STPG4: variants seen among roughly 807,000 people sequenced by gnomAD.
STPG4 encodes the protein protein STPG4.
Under a neutral mutation model 31.5 loss-of-function variants are expected in STPG4, and 41 were observed. That is an observed-to-expected ratio of 1.30 (90% confidence interval 1.01 to 1.69). The LOEUF (loss-of-function observed/expected upper bound fraction) is 1.69. Among genes scored for constraint, STPG4 ranks in the 40% most tolerant of loss-of-function variants. STPG4 has a pLI of 0.00. For missense variants in STPG4, 375 were observed against 293.4 expected, an observed-to-expected ratio of 1.28 and a Z score of -2.03; for synonymous variants, 141 against 103.0, an observed-to-expected ratio of 1.37 and a Z score of -2.24.
chr2:47,089,892 G>A (rs1685534339), intron 6 of STPG4, among the ~76,000 whole-genome samples: 1 of 152,094 alleles, frequency 6.6e-6, no homozygotes, highest in Non-Finnish European at 1.5e-5. Flanking sequence ...TGCTTCCTTG[G>A]GCTCCCAGAA....
At chr2:47,108,212 G>T (rs1295235347) in intron 5 of STPG4, among the ~76,000 whole-genome samples, 2 of 151,448 alleles carry the variant, frequency 1.3e-5, no homozygotes, top group Admixed American at 1.3e-4. Flanking sequence ...CTACCAATCA[G>T]CAGGATGTGG....
In STPG4 at chr2:47,147,906, A is replaced by C. The variant is rs11125124; in HGVS notation, c.399+3352T>G. Among the ~76,000 whole-genome samples the C allele has an allele frequency of 6.8e-3, 1,035 of 152,204 alleles. 42 individuals carry two copies. The East Asian group carries it at 0.11, about 17-fold the overall frequency. ...CCTTTGAAAAGGGCCAAATATAGAT[A>C]AGTATATGCATGCACACACACACAC... On this transcript the variant is annotated intron_variant, in intron 3 of 6. Coordinates refer to ENST00000445927, the MANE Select transcript of STPG4 (RefSeq NM_001163561.2).
chr2:47,107,989 G>T (rs1249280234), intron 5 of STPG4, among the ~76,000 whole-genome samples: 1 of 151,574 alleles, frequency 6.6e-6, no homozygotes, highest in Non-Finnish European at 1.5e-5. Context: ...CTCAAGGTTT[G>T]TAAATACACC....
chr2:47,089,066 T>A lies in STPG4; in HGVS notation c.624+1204A>T, dbSNP rs114070839. 3.5e-3 allele frequency among the ~76,000 whole-genome samples: 536 copies of A among 152,258 alleles called. 3 individuals are homozygous for A. The highest frequency in any genetic ancestry group is 0.012 in the African/African-American group (519 of 41,554). The stretch of plus-strand genomic sequence containing the variant: ...CTTCAGCTTCCATGAAAATTTTCTA[T>A]AAGGGAGAGACTCCACCAATCAGTG... On this transcript the variant is annotated intron_variant, in intron 6 of 6. Coordinates refer to ENST00000445927, the MANE Select transcript of STPG4 (RefSeq NM_001163561.2).
chr2:47,143,483 TG>T (rs1686757852), intron 3 of STPG4, among the ~76,000 whole-genome samples: 1 of 151,952 alleles, frequency 6.6e-6, no homozygotes, highest in South Asian at 2.1e-4. Flanking sequence ...TCATGCCCTT[TG>T]CTCATTTTTT....
intron 6 of STPG4, among the ~76,000 whole-genome samples, chr2:47,088,057 T>A (rs1038109804): frequency 2.0e-5 from 3 of 151,668 alleles, no homozygotes; most frequent in South Asian, 2.1e-4. Context: ...CCAGCCGGGG[T>A]TTTTTGTTTT....
Position 47,151,381 on chromosome 2 carries a change from G to T in STPG4, c.276C>A (p.Val92=), listed in dbSNP as rs200651437. 3.1e-6 allele frequency: 5 copies of T among 1,614,180 alleles called. No homozygotes were observed. In the East Asian group the frequency reaches 6.7e-5, roughly 22 times the overall value. ...GCATATACTGCGGAAGATCATTTAG[G>T]ACTGGATTGTTTCTTTGCACAAGAG... ...KPPLVQRNNP[V]LNDLPQYMPP... Residue 92 remains valine, a synonymous_variant, in exon 3 of 7, where the codon GTC becomes GTA. Transcript: ENST00000445927.
chr2:47,153,608 A>C (rs1000933473), intron 1 of STPG4, among the ~76,000 whole-genome samples: 1 of 152,150 alleles, frequency 6.6e-6, no homozygotes, highest in African/African-American at 2.4e-5. Context: ...CAAAAACATT[A>C]GCTGGGCATG....
rs1004261229 is a variant in STPG4 at position 47,119,597 on chromosome 2, T to C, written c.519+10344A>G. Among the ~76,000 whole-genome samples, 35 of 152,228 alleles carry C rather than the reference T, an allele frequency of 2.3e-4. 1 individual carries two copies. Among genetic ancestry groups the C allele is most frequent in the Non-Finnish European group, 1.5e-5 (1 of 68,036 alleles). ...ATCATGCAGTGGAGAAAAAACTTGG[T>C]GTCCTAACTGCTTGCTTCCAAAGCC... On this transcript the variant is annotated intron_variant, in intron 5 of 6. Coordinates refer to ENST00000445927, the MANE Select transcript of STPG4 (RefSeq NM_001163561.2).
intron 5 of STPG4, among the ~76,000 whole-genome samples, chr2:47,111,192 G>T (rs1686029596): frequency 6.6e-6 from 1 of 152,174 alleles, no homozygotes; most frequent in African/African-American, 2.4e-5. Context: ...AGTCTGTATA[G>T]TCTCAATGCC....
chr2:47,119,620 G>A (rs917162964), intron 5 of STPG4, among the ~76,000 whole-genome samples: 1 of 152,112 alleles, frequency 6.6e-6, no homozygotes, highest in African/African-American at 2.4e-5. Flanking sequence ...TGCTTCCAAA[G>A]CCAACTGAAC....
rs551874743 is a variant in STPG4 at position 47,107,043 on chromosome 2, C to T, written c.520-16669G>A. 9.2e-5 allele frequency among the ~76,000 whole-genome samples: 14 copies of T among 152,068 alleles called. No homozygotes were observed. In the South Asian group the frequency reaches 1.9e-3, roughly 20 times the overall value. ...CCTCTCCAGCAGGAAGTAGCTAGAA[C>T]GGTCATTGGCCAAATTCCCAACAGC... On this transcript the variant is annotated intron_variant, in intron 5 of 6. Coordinates refer to ENST00000445927, the MANE Select transcript of STPG4 (RefSeq NM_001163561.2).
At chr2:47,142,057 AT>A in intron 3 of STPG4, among the ~76,000 whole-genome samples, 1 of 151,172 alleles carries the variant, frequency 6.6e-6, no homozygotes, top group Admixed American at 6.6e-5. Context: ...TTCAGTAGTC[AT>A]TTTACCATGG....
chr2:47,136,277 C>T (rs997598263), intron 3 of STPG4, among the ~76,000 whole-genome samples: 5 of 152,114 alleles, frequency 3.3e-5, no homozygotes, highest in African/African-American at 1.2e-4. Context: ...TCCCGAGTAG[C>T]TGGGGTTATG....
chr2:47,105,047 CA>C (rs1277446132), intron 5 of STPG4, among the ~76,000 whole-genome samples: 1 of 151,926 alleles, frequency 6.6e-6, no homozygotes, highest in Non-Finnish European at 1.5e-5. Flanking sequence ...ACCCAGAGGG[CA>C]AATGCTCATC....
At chr2:47,151,210 G>A in intron 3 of STPG4, 48 bp downstream of exon 3, 2 of 1,601,738 alleles carry the variant, frequency 1.2e-6, no homozygotes, top group Non-Finnish European at 1.7e-6. Flanking sequence ...TTCCTCAGGG[G>A]CTCTTAGTAG....
intron 5 of STPG4, among the ~76,000 whole-genome samples, chr2:47,095,409 C>A (rs1685650016): frequency 6.6e-6 from 1 of 152,176 alleles, no homozygotes. Context: ...TGCCAGCAAG[C>A]CACCACGAGC....
chr2:47,096,331 G>T (rs1235568510), intron 5 of STPG4, among the ~76,000 whole-genome samples: 1 of 152,180 alleles, frequency 6.6e-6, no homozygotes, highest in East Asian at 1.9e-4. Flanking sequence ...AAGTACATTT[G>T]AGGCTGGTGG....
chr2:47,122,912 G>A (rs933213508), intron 5 of STPG4, among the ~76,000 whole-genome samples: 7 of 152,058 alleles, frequency 4.6e-5, no homozygotes, highest in Admixed American at 2.6e-4. Context: ...TGCAACCTCC[G>A]CCTCCCGGAT....
Sources: gnomAD v4.1 joint callset for allele counts (sites outside exome capture counted in the v4.1 genomes callset) on GRCh38, gnomAD v4.1.1 for gene constraint, MANE v1.5 for transcripts, NCBI Gene and HGNC (gene_info 2026-07-23, HGNC 2026-07-21) for gene names.